The following HERC1 variants were observed in gnomAD, a reference collection of about 807,000 sequenced individuals.
The protein encoded by HERC1 is HECT and RLD domain containing E3 ubiquitin protein ligase family member 1.
In HERC1, 160 loss-of-function variants were observed where a neutral mutation model predicts 554.3. The observed-to-expected ratio is 0.29, with a 90% CI of 0.25 to 0.33. The LOEUF (loss-of-function observed/expected upper bound fraction) is 0.33, where lower values mean the gene tolerates loss of function less well. Ranked by LOEUF, HERC1 falls within the 10% of genes least tolerant of loss-of-function variation. The pLI is 1.00. For missense variants in HERC1, 4,919 were observed against 5,918.5 expected (o/e 0.83, Z 5.54); for synonymous variants, 2,175 against 2,131.7 (o/e 1.02, Z -0.56).
chr15:63,655,188 TACTAA>T (rs1410464364), intron 50 of HERC1, among the ~76,000 whole-genome samples: 1 of 151,804 alleles, frequency 6.6e-6, no homozygotes, highest in Non-Finnish European at 1.5e-5. Context: ...ACCCCATCTC[TACTAA>T]AAATAGAAAA....
intron 1 of HERC1, among the ~76,000 whole-genome samples, chr15:63,832,262 G>A (rs1238677460): frequency 6.6e-6 from 1 of 152,106 alleles, no homozygotes; most frequent in African/African-American, 2.4e-5. Context: ...GTGTATAGGT[G>A]CAGAATACGT....
chr15:63,801,568 G>A (rs1249733024), intron 1 of HERC1, among the ~76,000 whole-genome samples: 1 of 152,172 alleles, frequency 6.6e-6, no homozygotes, highest in Non-Finnish European at 1.5e-5. Context: ...AGGCAGTATC[G>A]ATTTTGCTTA....
chr15:63,750,030 A>AAC (rs1431590656), intron 8 of HERC1, among the ~76,000 whole-genome samples: 1 of 152,232 alleles, frequency 6.6e-6, no homozygotes, highest in Non-Finnish European at 1.5e-5. Flanking sequence ...TCATAGAAAA[A>AAC]ACAGAAAGGT....
intron 2 of HERC1, among the ~76,000 whole-genome samples, chr15:63,767,300 G>C (rs1177227688): frequency 6.6e-6 from 1 of 152,060 alleles, no homozygotes; most frequent in Non-Finnish European, 1.5e-5. Flanking sequence ...ACCGCGCCTG[G>C]CCTATAGGTT....
At position 63,692,432 on chromosome 15, in the gene HERC1, C is replaced by T. The variant is rs1398355421; in HGVS notation, c.5809G>A (p.Ala1937Thr). 2 of 1,608,146 alleles carry T rather than the reference C, an allele frequency of 1.2e-6. No individual in the cohort carries two copies. The highest frequency in any genetic ancestry group is 1.7e-6 in the Non-Finnish European group (2 of 1,178,272). The change falls in exon 31 of 78, where the codon GCA becomes ACA. Residue 1937 changes from alanine (A) to threonine (T), a missense_variant. Physicochemically the swap from Ala to Thr is moderately conservative, Grantham distance 58 (BLOSUM62 0). Coordinates refer to ENST00000443617, the MANE Select transcript of HERC1 (RefSeq NM_003922.4). This position sits in a 1 kb window ranked among gnomAD's most constrained non-coding sequence, Gnocchi z 4.7. Reference protein sequence around the residue: ...PKWTEVLLNIASQKCSSGIPL... With the variant: ...PKWTEVLLNITSQKCSSGIPL... ...GTACCTGAAGAACATTTCTGAGATG[C>T]TATATTTAGAAGCACTTCGGTCCAC... is the stretch of plus-strand genomic sequence containing the variant.
At chr15:63,721,482 C>T (rs1467956211) in intron 19 of HERC1, among the ~76,000 whole-genome samples, 1 of 151,952 alleles carries the variant, frequency 6.6e-6, no homozygotes, top group Non-Finnish European at 1.5e-5. Context: ...GCTGGGATCA[C>T]GCCACTGCAC....
chr15:63,747,831 A>G lies in HERC1; in HGVS notation c.2247T>C (p.Tyr749=), dbSNP rs1404970796. ...DRQVVAWHRP[Y]CVDLEESTFS... Reference sequence around the variant, plus strand: ...AGGTACTCTCTTCAAGATCTACACAATAAGGTCGGTGCCATGCAACAACTT... The same window carrying G: ...AGGTACTCTCTTCAAGATCTACACAGTAAGGTCGGTGCCATGCAACAACTT... The change falls in exon 11 of 78, where the codon TAT becomes TAC. Residue 749 remains tyrosine (Y), a synonymous_variant. Coordinates refer to ENST00000443617, the MANE Select transcript of HERC1 (RefSeq NM_003922.4). The G allele has an allele frequency of 5.2e-6, 8 of 1,549,672 alleles. No individual in the cohort carries two copies. The highest frequency in any genetic ancestry group is 2.0e-5 in the Admixed American group (1 of 50,972).
At chr15:63,630,180 A>G (rs141642559) in intron 69 of HERC1, among the ~76,000 whole-genome samples, 1 of 152,346 alleles carries the variant, frequency 6.6e-6, no homozygotes, top group Non-Finnish European at 1.5e-5. Context: ...ACTACATGCC[A>G]GGCACTTAAC....
chr15:63,667,415 AT>A (rs1447118396), intron 40 of HERC1, among the ~76,000 whole-genome samples: 1 of 152,182 alleles, frequency 6.6e-6, no homozygotes, highest in African/African-American at 2.4e-5. Flanking sequence ...GGAAGATGAG[AT>A]TAAAAAAAAA....
chr15:63,624,844 C>A (rs1186671788), intron 71 of HERC1, among the ~76,000 whole-genome samples: 1 of 152,098 alleles, frequency 6.6e-6, no homozygotes, highest in Non-Finnish European at 1.5e-5. Flanking sequence ...TTAGAAAATA[C>A]AGAGAAGGAT....
At chr15:63,654,861 T>A (rs1215782078) in intron 50 of HERC1, among the ~76,000 whole-genome samples, 3 of 150,238 alleles carry the variant, frequency 2.0e-5, no homozygotes, top group Admixed American at 6.6e-5. Context: ...ACAGCAAGAC[T>A]CCATCTCAAA....
At chr15:63,671,464 T>C (rs1378099307) in intron 39 of HERC1, among the ~76,000 whole-genome samples, 1 of 152,142 alleles carries the variant, frequency 6.6e-6, no homozygotes, top group Non-Finnish European at 1.5e-5. Context: ...CCTGAAACTA[T>C]TATTCCAGTA....
At chr15:63,652,023 G>A (rs186839095) in intron 52 of HERC1, among the ~76,000 whole-genome samples, 10 of 152,070 alleles carry the variant, frequency 6.6e-5, no homozygotes, top group African/African-American at 2.4e-4. Context: ...GCAGCAGAGC[G>A]AGACTCAGTC....
At chr15:63,675,230 T>G in intron 37 of HERC1, 113 bp from the exon 38 acceptor site, 1 of 804,642 alleles carries the variant, frequency 1.2e-6, no homozygotes, top group South Asian at 2.4e-5. Context: ...ATACAGAGAA[T>G]AATTTACACA....
intron 2 of HERC1, among the ~76,000 whole-genome samples, chr15:63,769,762 A>C (rs1008237614): frequency 1.3e-5 from 2 of 152,058 alleles, no homozygotes; most frequent in African/African-American, 4.8e-5. Flanking sequence ...AAGTTGAGGC[A>C]GGAGAATCGC....
chr15:63,833,409 G>A (rs2078224727), intron 1 of HERC1, among the ~76,000 whole-genome samples: 1 of 152,270 alleles, frequency 6.6e-6, no homozygotes, highest in Non-Finnish European at 1.5e-5. Flanking sequence ...GTCGGCCGCC[G>A]CCCGCGGACC....
chr15:63,703,215 T>C (rs1381586273), intron 25 of HERC1, among the ~76,000 whole-genome samples: 1 of 152,122 alleles, frequency 6.6e-6, no homozygotes, highest in African/African-American at 2.4e-5. Flanking sequence ...TCCTACATAT[T>C]CACTTTCTCA....
rs1160140622 is a variant in HERC1 at position 63,739,915 on chromosome 15, A to ATTTT, written c.2521-5070_2521-5067dup. 2.6e-3 allele frequency among the ~76,000 whole-genome samples: 385 copies of ATTTT among 147,372 alleles called. 1 individual carries two copies. Among genetic ancestry groups the ATTTT allele is most frequent in the African/African-American group, 9.1e-3 (363 of 40,070 alleles). On this transcript the variant is annotated intron_variant, in intron 12 of 77. Coordinates refer to ENST00000443617, the MANE Select transcript of HERC1 (RefSeq NM_003922.4). ...CTGGCTTCTTCACTTAGCATATTTT[A>ATTTT]TTTTTTTTTTTTTCAGACAGAGTCT...
intron 74 of HERC1, among the ~76,000 whole-genome samples, chr15:63,620,310 G>A (rs971331158): frequency 2.6e-5 from 4 of 152,150 alleles, no homozygotes; most frequent in African/African-American, 9.7e-5. Context: ...GGTTTTGAGT[G>A]AGTTTCTTAA....
Sources: gnomAD v4.1 joint callset for allele counts (sites outside exome capture counted in the v4.1 genomes callset) on GRCh38, gnomAD v4.1.1 for gene constraint, Gnocchi (gnomAD v3.1) non-coding constraint, MANE v1.5 for transcripts, NCBI Gene and HGNC (gene_info 2026-07-23, HGNC 2026-07-21) for gene names.